CAMK1D: variants seen among roughly 807,000 people sequenced by gnomAD.
CAMK1D encodes calcium/calmodulin dependent protein kinase ID, also known as calcium/calmodulin-dependent protein kinase type 1D.
A neutral mutation model predicts 47.7 loss-of-function variants in CAMK1D; 9 were observed. The observed-to-expected ratio is 0.19, with a 90% CI of 0.11 to 0.33. The LOEUF is 0.33. Ranked by LOEUF, CAMK1D falls within the 10% of genes least tolerant of loss-of-function variation. The pLI is 1.00. For missense variants in CAMK1D, 291 were observed against 488.7 expected (o/e 0.60, Z 3.81); for synonymous variants, 184 against 184.9 (o/e 0.99, Z 0.04).
At chr10:12,350,874 G>C (rs1588712426) in intron 1 of CAMK1D, among the ~76,000 whole-genome samples, 1 of 152,222 alleles carries the variant, frequency 6.6e-6, no homozygotes, top group South Asian at 2.1e-4. Flanking sequence ...ACGCACAGGT[G>C]TGCAGTCAGA....
intron 1 of CAMK1D, among the ~76,000 whole-genome samples, chr10:12,547,906 A>G (rs557634993): frequency 5.2e-4 from 79 of 152,358 alleles, no homozygotes; most frequent in African/African-American, 1.8e-3. Context: ...AAGCGGGTCA[A>G]TGCACATTGT....
chr10:12,619,269 A>G (rs1037013918), intron 2 of CAMK1D, among the ~76,000 whole-genome samples: 2 of 152,146 alleles, frequency 1.3e-5, no homozygotes, highest in African/African-American at 4.8e-5. Flanking sequence ...GACAGGGTGA[A>G]TAATGACCAA....
At chr10:12,776,983 C>T (rs1209980465) in intron 5 of CAMK1D, among the ~76,000 whole-genome samples, 1 of 152,154 alleles carries the variant, frequency 6.6e-6, no homozygotes, top group Admixed American at 6.5e-5. Flanking sequence ...CAAATGACCA[C>T]AAAGTATTGA....
intron 2 of CAMK1D, among the ~76,000 whole-genome samples, chr10:12,627,414 A>G (rs925345556): frequency 5.9e-5 from 9 of 152,184 alleles, no homozygotes; most frequent in East Asian, 1.9e-4. Context: ...ATAATAAAAT[A>G]TATCCACTTA....
At position 12,349,611 on chromosome 10, in the gene CAMK1D, C is replaced by A; in HGVS notation, c.-208C>A. The A allele has an allele frequency of 6.4e-6, 1 of 157,336 alleles. No homozygotes were observed. Among genetic ancestry groups the A allele is most frequent in the South Asian group, 1.9e-4 (1 of 5,398 alleles). The allele number at this position is 157,336 out of a possible 1,614,324, so 9.7% of individuals were successfully genotyped here. ...CCGGCGCGCGGCGGCGGCAGGAAGT[C>A]TGTGCCCGAGAACAGCAGAAATAAG... On this transcript the variant is annotated 5_prime_UTR_variant, in exon 1 of 11. In the 5' UTR this introduces an upstream ATG that the reference lacks. Transcript: ENST00000619168.
chr10:12,510,174 G>T (rs1834997693), intron 1 of CAMK1D, among the ~76,000 whole-genome samples: 1 of 152,170 alleles, frequency 6.6e-6, no homozygotes, highest in South Asian at 2.1e-4. Flanking sequence ...CAGCACTTTG[G>T]GAGGCTAAGG....
At chr10:12,440,686 A>G (rs1009995726) in intron 1 of CAMK1D, among the ~76,000 whole-genome samples, 3 of 152,252 alleles carry the variant, frequency 2.0e-5, no homozygotes, top group African/African-American at 7.2e-5. Flanking sequence ...ATACCTCAAT[A>G]AAGTATATGA....
intron 2 of CAMK1D, among the ~76,000 whole-genome samples, chr10:12,627,376 C>T (rs898921519): frequency 4.6e-5 from 7 of 152,098 alleles, no homozygotes; most frequent in Non-Finnish European, 7.4e-5. Context: ...TGAGCCACTG[C>T]GCCTGGCATA....
At position 12,827,468 on chromosome 10, in the gene CAMK1D, G is replaced by GTCCTTTCTTTCTTTCTTTCTT. The variant is rs1833280563; in HGVS notation, c.1040-1299_1040-1298insCTTTCTTTCTTTCTTTCTTTC. 5.3e-4 allele frequency among the ~76,000 whole-genome samples: 2 copies of GTCCTTTCTTTCTTTCTTTCTT among 3,792 alleles called. 1 individual carries two copies. Among genetic ancestry groups the GTCCTTTCTTTCTTTCTTTCTT allele is most frequent in the Non-Finnish European group, 1.6e-3 (2 of 1,280 alleles). 2.5% of individuals were successfully genotyped at this position (3,792 alleles called of 152,430 possible). ...CTTTCTTTCTTTTCTTTCTTTGTCTGTCTGTCTTTCTTTCTTTCTTTCTTT... is the reference window on the plus strand; with the variant it reads ...CTTTCTTTCTTTTCTTTCTTTGTCTGTCCTTTCTTTCTTTCTTTCTTTCTGTCTTTCTTTCTTTCTTTCTTT... On this transcript the variant is annotated intron_variant, in intron 10 of 10. Transcript: ENST00000619168.
intron 4 of CAMK1D, among the ~76,000 whole-genome samples, chr10:12,763,087 G>A (rs779535674): frequency 5.9e-5 from 9 of 152,204 alleles, no homozygotes; most frequent in Non-Finnish European, 1.0e-4. Flanking sequence ...CCTACGTAAT[G>A]CTTTTGGAGG....
Position 12,630,957 on chromosome 10 carries a change from G to A in CAMK1D, c.225-35779G>A, listed in dbSNP as rs556879915. On this transcript the variant is annotated intron_variant, in intron 2 of 10. Coordinates refer to ENST00000619168, the MANE Select transcript of CAMK1D (RefSeq NM_153498.4). ...TCAGGATTCCACTTGAGTGCTTGGT[G>A]ATGCATTATCTTACGACATAAACAC... Among the ~76,000 whole-genome samples the A allele has an allele frequency of 5.3e-5, 8 of 152,286 alleles. No homozygotes were observed. The South Asian group carries it at 1.0e-3, about 20-fold the overall frequency.
chr10:12,432,066 C>T (rs192301374), intron 1 of CAMK1D, among the ~76,000 whole-genome samples: 1 of 152,346 alleles, frequency 6.6e-6, no homozygotes, highest in Admixed American at 6.5e-5. Context: ...GTTTTGGATA[C>T]ATCAGAGGAG....
At chr10:12,527,941 TA>T (rs1445776711) in intron 1 of CAMK1D, among the ~76,000 whole-genome samples, 4 of 152,254 alleles carry the variant, frequency 2.6e-5, no homozygotes, top group East Asian at 3.8e-4. Context: ...AGTGGCATAA[TA>T]TTTTTTTGGC....
intron 8 of CAMK1D, among the ~76,000 whole-genome samples, chr10:12,821,159 A>G (rs192679872): frequency 6.6e-6 from 1 of 152,342 alleles, no homozygotes; most frequent in Admixed American, 6.5e-5. Flanking sequence ...GACTGGAGAC[A>G]GCAGTTCCTC....
chr10:12,821,850 C>T (rs1009520643), intron 8 of CAMK1D, among the ~76,000 whole-genome samples: 2 of 152,160 alleles, frequency 1.3e-5, no homozygotes, highest in South Asian at 4.1e-4. Flanking sequence ...TGGTGCATGC[C>T]TGTAATCCCA....
At chr10:12,404,330 C>T (rs1335484662) in intron 1 of CAMK1D, among the ~76,000 whole-genome samples, 1 of 152,220 alleles carries the variant, frequency 6.6e-6, no homozygotes, top group South Asian at 2.1e-4. Context: ...CAGGCGTGAG[C>T]CCCTGCGCCC....
intron 3 of CAMK1D, among the ~76,000 whole-genome samples, chr10:12,683,144 T>G (rs1229587967): frequency 6.7e-6 from 1 of 149,578 alleles, no homozygotes; most frequent in East Asian, 2.0e-4. Flanking sequence ...TGGAGTGCGG[T>G]GGCGTGATCT....
At chr10:12,465,184 G>A (rs563956772) in intron 1 of CAMK1D, among the ~76,000 whole-genome samples, 3 of 152,208 alleles carry the variant, frequency 2.0e-5, no homozygotes, top group East Asian at 1.9e-4. Flanking sequence ...TCTGATAAGC[G>A]AAAATAAAAG....
In CAMK1D at chr10:12,800,537, A is replaced by G. The variant is rs549515873; in HGVS notation, c.641+9304A>G. ...GCACACTCTGACATCCTAAGGAGCA[A>G]TGCCCAGAGTTGATTGATTTTGCTC... On this transcript the variant is annotated intron_variant, in intron 6 of 10. Transcript: ENST00000619168. Among the ~76,000 whole-genome samples, 151 of 152,318 alleles carry G rather than the reference A, an allele frequency of 9.9e-4. 1 individual carries two copies. Among genetic ancestry groups the G allele is most frequent in the African/African-American group, 3.5e-3 (145 of 41,570 alleles).
Sources: allele counts gnomAD v4.1 joint callset (sites outside exome capture counted in the v4.1 genomes callset), GRCh38; gene constraint gnomAD v4.1.1; transcripts MANE v1.5; gene names NCBI Gene and HGNC (gene_info 2026-07-23, HGNC 2026-07-21).